WDFY2: variants seen among roughly 807,000 people sequenced by gnomAD.
WDFY2 encodes the protein WD repeat and FYVE domain containing 2, also known as WD repeat and FYVE domain-containing protein 2.
Under a neutral mutation model 56.4 loss-of-function variants are expected in WDFY2, and 36 were observed. That is an observed-to-expected ratio of 0.64 (90% CI 0.49 to 0.84). WDFY2 has a LOEUF of 0.84. WDFY2 is among the 40% of genes least tolerant of loss of function. The pLI is 0.00. For missense variants in WDFY2, 444 were observed against 512.2 expected (o/e 0.87, Z 1.29); for synonymous variants, 176 against 183.7 (o/e 0.96, Z 0.34).
chr13:51,643,021 A>G (rs758868958), intron 1 of WDFY2, among the ~76,000 whole-genome samples: 1 of 152,160 alleles, frequency 6.6e-6, no homozygotes, highest in Non-Finnish European at 1.5e-5. Context: ...CAACTCTATG[A>G]AGACTACAGT....
At chr13:51,624,393 G>A (rs1480327126) in intron 1 of WDFY2, among the ~76,000 whole-genome samples, 1 of 152,152 alleles carries the variant, frequency 6.6e-6, no homozygotes, top group African/African-American at 2.4e-5. Flanking sequence ...AGAGTCTTGT[G>A]TGTTGAGTTC....
At chr13:51,740,408 C>T (rs1436523193) in intron 7 of WDFY2, among the ~76,000 whole-genome samples, 2 of 152,096 alleles carry the variant, frequency 1.3e-5, no homozygotes, top group South Asian at 2.1e-4. Context: ...ACATCATCCA[C>T]GTAAGAGAAG....
At chr13:51,605,666 T>C (rs1954372909) in intron 1 of WDFY2, among the ~76,000 whole-genome samples, 1 of 152,234 alleles carries the variant, frequency 6.6e-6, no homozygotes, top group South Asian at 2.1e-4. Context: ...TGAAACTTAT[T>C]ACCCAGAGCT....
intron 5 of WDFY2, among the ~76,000 whole-genome samples, chr13:51,724,374 A>G (rs1952559596): frequency 6.6e-6 from 1 of 151,432 alleles, no homozygotes; most frequent in African/African-American, 2.4e-5. Flanking sequence ...GGTAGCTGAA[A>G]TTACAGGCAC....
rs1000133711 is a variant in WDFY2 at position 51,658,988 on chromosome 13, G to A, written c.138-1608G>A. ...GTCGCCCAGGCAGGAGTGTAATGGCGCCATCTTGGCTCAATGCAACCTCTC... is the reference window on the plus strand; with the variant it reads ...GTCGCCCAGGCAGGAGTGTAATGGCACCATCTTGGCTCAATGCAACCTCTC... On this transcript the variant is annotated intron_variant, in intron 1 of 11. Coordinates refer to ENST00000298125, the MANE Select transcript of WDFY2 (RefSeq NM_052950.4). 2.0e-4 allele frequency among the ~76,000 whole-genome samples: 30 copies of A among 152,140 alleles called. 1 individual carries two copies. The East Asian group carries it at 3.9e-3, about 20-fold the overall frequency.
At chr13:51,741,424 C>T (rs1246972178) in intron 7 of WDFY2, among the ~76,000 whole-genome samples, 1 of 152,222 alleles carries the variant, frequency 6.6e-6, no homozygotes, top group Non-Finnish European at 1.5e-5. Flanking sequence ...TTAATTTAAA[C>T]TTCCTCAGCA....
intron 3 of WDFY2, among the ~76,000 whole-genome samples, chr13:51,703,129 A>T (rs1952018171): frequency 6.6e-6 from 1 of 152,244 alleles, no homozygotes; most frequent in Non-Finnish European, 1.5e-5. Flanking sequence ...TACAGGGATG[A>T]GTAAGATGCA....
At position 51,763,829 on chromosome 13, in the gene WDFY2, A is replaced by C. The variant is rs1168439178; in HGVS notation, c.*4060A>C. 6.6e-6 allele frequency: 1 copy of C among 152,220 alleles called. No individual in the cohort carries two copies. The highest frequency in any genetic ancestry group is 6.5e-5 in the Admixed American group (1 of 15,286). The allele number at this position is 152,220 out of a possible 1,614,324, so 9.4% of individuals were successfully genotyped here. ...CAAAAGTATAATTTATTTTTGCCTG[A>C]TATTAATCACTTCTTAAGGCCCAAA... On this transcript the variant is annotated 3_prime_UTR_variant, in exon 12 of 12. Transcript: ENST00000298125.
At chr13:51,736,455 A>G (rs1952838559) in intron 6 of WDFY2, among the ~76,000 whole-genome samples, 1 of 152,158 alleles carries the variant, frequency 6.6e-6, no homozygotes, top group Non-Finnish European at 1.5e-5. Flanking sequence ...GTCACCAACA[A>G]AGAAGGCAGA....
Position 51,759,776 on chromosome 13 carries a change from T to C in WDFY2, c.*7T>C. On this transcript the variant is annotated 3_prime_UTR_variant, in exon 12 of 12. Coordinates refer to ENST00000298125, the MANE Select transcript of WDFY2 (RefSeq NM_052950.4). ...GACCCCAGTCGTGTCTTGATGACTC[T>C]CCCAGGAATCAGAAAGATAGTATTT... 6.2e-7 allele frequency: 1 copy of C among 1,613,736 alleles called. No individual in the cohort carries two copies. Among genetic ancestry groups the C allele is most frequent in the Non-Finnish European group, 8.5e-7 (1 of 1,179,714 alleles).
At chr13:51,738,300 C>G (rs1952887407) in intron 6 of WDFY2, among the ~76,000 whole-genome samples, 2 of 152,148 alleles carry the variant, frequency 1.3e-5, no homozygotes, top group Non-Finnish European at 2.9e-5. Flanking sequence ...CATAGAAAAT[C>G]TATTATAATA....
intron 5 of WDFY2, 90 bp from the exon 6 acceptor site, chr13:51,727,588 G>T: frequency 2.5e-6 from 3 of 1,200,450 alleles, no homozygotes; most frequent in Non-Finnish European, 3.6e-6. Context: ...GATGGGATTT[G>T]CGTATTTCTT....
chr13:51,741,868 A>G (rs1349801097), intron 7 of WDFY2, among the ~76,000 whole-genome samples: 1 of 152,218 alleles, frequency 6.6e-6, no homozygotes, highest in Non-Finnish European at 1.5e-5. Flanking sequence ...TCGTATACCC[A>G]GCCCTCAGTA....
At chr13:51,625,706 G>A (rs1566321778) in intron 1 of WDFY2, among the ~76,000 whole-genome samples, 1 of 152,172 alleles carries the variant, frequency 6.6e-6, no homozygotes, top group Non-Finnish European at 1.5e-5. Flanking sequence ...ATATTACTGA[G>A]GCCAACTGAA....
intron 2 of WDFY2, among the ~76,000 whole-genome samples, chr13:51,674,670 C>T (rs766994614): frequency 3.9e-5 from 6 of 152,266 alleles, no homozygotes; most frequent in Non-Finnish European, 5.9e-5. Context: ...TTAATTCACA[C>T]GCCCCGAATC....
chr13:51,697,678 T>A (rs1191312026), intron 3 of WDFY2, among the ~76,000 whole-genome samples: 1 of 151,038 alleles, frequency 6.6e-6, no homozygotes, highest in African/African-American at 2.4e-5. Context: ...ACTAATTAGG[T>A]AAAATTCTTT....
intron 11 of WDFY2, among the ~76,000 whole-genome samples, 187 bp downstream of exon 11, chr13:51,758,487 G>T (rs1021426333): frequency 6.6e-6 from 1 of 150,936 alleles, no homozygotes; most frequent in African/African-American, 2.4e-5. Flanking sequence ...GGAGTTGAAG[G>T]CTACAGTGAG....
intron 1 of WDFY2, among the ~76,000 whole-genome samples, chr13:51,616,716 G>A (rs1027037351): frequency 6.6e-6 from 1 of 152,198 alleles, no homozygotes; most frequent in Non-Finnish European, 1.5e-5. Flanking sequence ...TCGCATGGTC[G>A]TGGCTAAATT....
At chr13:51,703,439 A>G (rs1952023993) in intron 3 of WDFY2, among the ~76,000 whole-genome samples, 157 bp from the exon 4 acceptor site, 1 of 152,214 alleles carries the variant, frequency 6.6e-6, no homozygotes, top group Non-Finnish European at 1.5e-5. Context: ...TTTGATTGTT[A>G]CTTTTAAAAG....
Sources: gnomAD v4.1 joint callset for allele counts (sites outside exome capture counted in the v4.1 genomes callset) on GRCh38, gnomAD v4.1.1 for gene constraint, MANE v1.5 for transcripts, NCBI Gene and HGNC (gene_info 2026-07-23, HGNC 2026-07-21) for gene names.